DNAJC13: variants seen among roughly 807,000 people sequenced by gnomAD.
DNAJC13 encodes the protein DnaJ heat shock protein family (Hsp40) member C13, also known as dnaJ homolog subfamily C member 13.
A neutral mutation model predicts 290.5 loss-of-function variants in DNAJC13; 75 were observed. That is an observed-to-expected ratio of 0.26 (90% CI 0.21 to 0.31). The LOEUF (loss-of-function observed/expected upper bound fraction) is 0.31. DNAJC13 is among the 10% of genes least tolerant of loss of function. The pLI, the probability that DNAJC13 is intolerant of heterozygous loss-of-function variation, is 1.00. For synonymous variants in DNAJC13, 862 were observed against 892.0 expected, an observed-to-expected ratio of 0.97 and a Z score of 0.60; for missense variants, 2,260 against 2,674.5, an observed-to-expected ratio of 0.85 and a Z score of 3.42.
intron 20 of DNAJC13, among the ~76,000 whole-genome samples, chr3:132,470,600 C>G (rs1934175401): frequency 1.4e-5 from 2 of 143,340 alleles, no homozygotes; most frequent in African/African-American, 2.6e-5. Context: ...GACGGGGCGG[C>G]TGGCCGGGCG....
intron 29 of DNAJC13, among the ~76,000 whole-genome samples, chr3:132,486,572 G>A (rs958249505): frequency 8.5e-5 from 13 of 152,132 alleles, no homozygotes; most frequent in Admixed American, 5.9e-4. Flanking sequence ...ATCTAGCTTC[G>A]AACAGTGTGT....
intron 9 of DNAJC13, 68 bp downstream of exon 9, chr3:132,454,225 A>T: frequency 9.1e-7 from 1 of 1,094,264 alleles, no homozygotes. Flanking sequence ...CAACAAGGAA[A>T]ACCAAAGATA....
chr3:132,423,615 G>A (rs960668295), intron 1 of DNAJC13, among the ~76,000 whole-genome samples: 9 of 152,184 alleles, frequency 5.9e-5, no homozygotes, highest in African/African-American at 2.2e-4. Flanking sequence ...TAATTTGGTA[G>A]TGTTCTATAA....
At chr3:132,516,200 A>G (rs3762675) in intron 46 of DNAJC13, among the ~76,000 whole-genome samples, 3 of 152,126 alleles carry the variant, frequency 2.0e-5, no homozygotes, top group East Asian at 3.9e-4. Context: ...ACAAAACTCA[A>G]CTATACCACT....
intron 54 of DNAJC13, among the ~76,000 whole-genome samples, chr3:132,529,879 G>T (rs1015158061): frequency 6.6e-6 from 1 of 151,624 alleles, no homozygotes; most frequent in Admixed American, 6.6e-5. Flanking sequence ...GTCATTAACT[G>T]ATGTGTTTTT....
intron 26 of DNAJC13, among the ~76,000 whole-genome samples, chr3:132,481,626 C>T (rs894991737): frequency 6.6e-6 from 1 of 151,984 alleles, no homozygotes; most frequent in Admixed American, 6.6e-5. Flanking sequence ...TAAAATAACC[C>T]GACTACATAA....
chr3:132,451,248 G>A (rs1933406221), intron 6 of DNAJC13, among the ~76,000 whole-genome samples: 2 of 152,180 alleles, frequency 1.3e-5, no homozygotes, highest in East Asian at 1.9e-4. Context: ...GATAGCTTGA[G>A]CCCAGGAGTT....
At chr3:132,501,522 C>G (rs1174392259) in intron 39 of DNAJC13, among the ~76,000 whole-genome samples, 7 of 151,476 alleles carry the variant, frequency 4.6e-5, no homozygotes, top group Non-Finnish European at 7.4e-5. Flanking sequence ...TCAGAGGTAG[C>G]CTGTGCCACT....
intron 8 of DNAJC13, 77 bp from the exon 9 acceptor site, chr3:132,453,987 TAA>T: frequency 9.3e-7 from 1 of 1,078,132 alleles, no homozygotes; most frequent in Non-Finnish European, 1.4e-6. Context: ...TTTTGTAAGC[TAA>T]GTGATGCATT....
intron 36 of DNAJC13, 101 bp from the exon 37 acceptor site, chr3:132,499,024 AT>A (rs979447957): frequency 1.4e-5 from 16 of 1,142,464 alleles, no homozygotes; most frequent in Middle Eastern, 2.4e-4. Flanking sequence ...CCCCATTTTT[AT>A]TTTTTTAAGG....
intron 16 of DNAJC13, among the ~76,000 whole-genome samples, 176 bp from the exon 17 acceptor site, chr3:132,463,520 A>C (rs538005367): frequency 6.6e-6 from 1 of 152,188 alleles, no homozygotes; most frequent in Non-Finnish European, 1.5e-5. Flanking sequence ...AAGGTTTAAA[A>C]ATTACCTGTG....
At chr3:132,458,545 G>A (rs1296157248) in intron 13 of DNAJC13, among the ~76,000 whole-genome samples, 1 of 152,086 alleles carries the variant, frequency 6.6e-6, no homozygotes, top group African/African-American at 2.4e-5. Flanking sequence ...AGGAACCAGG[G>A]TAAAAGACTG....
chr3:132,492,938 C>T (rs1236114010), intron 33 of DNAJC13, among the ~76,000 whole-genome samples: 1 of 151,804 alleles, frequency 6.6e-6, no homozygotes, highest in Non-Finnish European at 1.5e-5. Flanking sequence ...GTCTTTATAG[C>T]AGGTTGATTA....
intron 1 of DNAJC13, among the ~76,000 whole-genome samples, chr3:132,431,756 G>A (rs896556961): frequency 6.6e-6 from 1 of 152,088 alleles, no homozygotes; most frequent in African/African-American, 2.4e-5. Flanking sequence ...ATCAATTGAC[G>A]AATGGATAAA....
Position 132,490,945 on chromosome 3 carries a change from C to T in DNAJC13, c.3517C>T (p.Pro1173Ser). The change falls in exon 32 of 56, where the codon CCT becomes TCT. Residue 1173 changes from proline to serine, a missense_variant. Physicochemically the swap from Pro to Ser is moderately conservative, Grantham distance 74. Transcript: ENST00000260818. ...FQRSILGHILPEAMVCYLENY... is the reference protein window; with the variant it reads ...FQRSILGHILSEAMVCYLENY... ...GAGAAGTATACTTGGGCACATTCTACCTGAAGCAATGGTTTGTTACTTAGA... is the reference window on the plus strand; with the variant it reads ...GAGAAGTATACTTGGGCACATTCTATCTGAAGCAATGGTTTGTTACTTAGA... 1 of 1,611,570 alleles carries T rather than the reference C, an allele frequency of 6.2e-7. No individual in the cohort carries two copies. Among genetic ancestry groups the T allele is most frequent in the Non-Finnish European group, 8.5e-7 (1 of 1,179,028 alleles).
In DNAJC13 at chr3:132,526,158, G is replaced by A. The variant is rs769376515; in HGVS notation, c.6258G>A (p.Met2086Ile). ...LSENELCVRA[M>I]ASLETIGPLM... ...GCACTTAGCTGTGTGTTCGAGCCATGGCATCTTTAGAGACCATTGGCCCAC... is the reference window on the plus strand; with the variant it reads ...GCACTTAGCTGTGTGTTCGAGCCATAGCATCTTTAGAGACCATTGGCCCAC... Residue 2086 changes from methionine to isoleucine, a missense_variant, in exon 53 of 56, where the codon ATG becomes ATA. Coordinates refer to ENST00000260818, the MANE Select transcript of DNAJC13 (RefSeq NM_015268.4). 1 of 1,614,008 alleles carries A rather than the reference G, an allele frequency of 6.2e-7. No individual in the cohort carries two copies. Among genetic ancestry groups the A allele is most frequent in the Middle Eastern group, 1.7e-4 (1 of 6,060 alleles).
chr3:132,460,355 G>C lies in DNAJC13; in HGVS notation c.1555G>C (p.Val519Leu). ...CTTACTGGAGAAATTTAATTCCCAT[G>C]TGGTAAGTTATAATTAAATTTGTCT... ...ENLLEKFNSH[V>L]DHGTGALVIS... is the part of the protein sequence containing the mutation. Residue 519 changes from valine to leucine, a missense_variant and splice_region_variant, in exon 14 of 56, where the codon GTG (valine) becomes CTG (leucine). Around this residue, in one of 3 missense-constraint regions of DNAJC13, gnomAD observed 762 missense variants for 964.1 expected, o/e 0.79. Transcript: ENST00000260818. 6.3e-7 allele frequency: 1 copy of C among 1,589,732 alleles called. No individual in the cohort carries two copies. Among genetic ancestry groups the C allele is most frequent in the Non-Finnish European group, 8.6e-7 (1 of 1,159,214 alleles).
At chr3:132,471,930 C>T (rs1425149767) in intron 20 of DNAJC13, among the ~76,000 whole-genome samples, 5 of 144,544 alleles carry the variant, frequency 3.5e-5, no homozygotes, top group African/African-American at 5.0e-5. Context: ...GCCGAGATCA[C>T]GCCACTGCAC....
chr3:132,436,196 C>A (rs552926482), intron 2 of DNAJC13, among the ~76,000 whole-genome samples: 1 of 152,150 alleles, frequency 6.6e-6, no homozygotes, highest in South Asian at 2.1e-4. Context: ...CTAAACACTG[C>A]GTTACAAATC....
Sources: gnomAD v4.1 joint callset for allele counts (sites outside exome capture counted in the v4.1 genomes callset) on GRCh38, gnomAD v4.1.1 for gene constraint, gnomAD v4.1.1 regional missense constraint, MANE v1.5 for transcripts, NCBI Gene and HGNC (gene_info 2026-07-23, HGNC 2026-07-21) for gene names.